The following PCDH11X variants were observed in gnomAD, a reference collection of about 807,000 sequenced individuals.
PCDH11X encodes the protein protocadherin 11 X-linked.
In PCDH11X, 18 loss-of-function variants were observed where a neutral mutation model predicts 53.3. The observed-to-expected ratio is 0.34, with a 90% CI of 0.23 to 0.50. The LOEUF is 0.50. PCDH11X is among the 20% of genes least tolerant of loss of function. The pLI, the probability that PCDH11X is intolerant of heterozygous loss-of-function variation, is 0.98. For missense variants in PCDH11X, 570 were observed against 1,032.4 expected, an observed-to-expected ratio of 0.55 and a Z score of 6.14; for synonymous variants, 279 against 393.3, an observed-to-expected ratio of 0.71 and a Z score of 3.44.
At chrX:92,453,854 A>G (rs1475306302) in intron 9 of PCDH11X, among the ~76,000 whole-genome samples, 2 of 110,915 alleles carry the variant, frequency 1.8e-5, no homozygotes, top group African/African-American at 3.3e-5. Context: ...AATATTTTCA[A>G]TGAAAACTGT....
At chrX:91,819,086 T>C (rs1936546292) in intron 4 of PCDH11X, among the ~76,000 whole-genome samples, 1 of 111,683 alleles carries the variant, frequency 9.0e-6, no homozygotes, top group Non-Finnish European at 1.9e-5. Context: ...AATGCACTTC[T>C]TGATTTATAA....
intron 6 of PCDH11X, among the ~76,000 whole-genome samples, chrX:92,178,306 T>C (rs2065942214): frequency 9.0e-6 from 1 of 111,650 alleles, no homozygotes; most frequent in African/African-American, 3.2e-5. Flanking sequence ...TTCAGTAAAC[T>C]AGGATGGCTG....
chrX:91,820,800 T>C (rs1463789225), intron 4 of PCDH11X, among the ~76,000 whole-genome samples: 1 of 101,925 alleles, frequency 9.8e-6, no homozygotes, highest in Non-Finnish European at 1.9e-5. Flanking sequence ...GTTTTTATGG[T>C]TTTAGGTCTA....
intron 6 of PCDH11X, among the ~76,000 whole-genome samples, chrX:91,963,771 A>G (rs1252619886): frequency 9.0e-6 from 1 of 111,213 alleles, no homozygotes; most frequent in Non-Finnish European, 1.9e-5. Context: ...TAATCAACTC[A>G]CAGTTCAGCA....
At chrX:92,238,926 AAG>A (rs1290260226) in intron 7 of PCDH11X, among the ~76,000 whole-genome samples, 19 of 111,455 alleles carry the variant, frequency 1.7e-4, no homozygotes, top group Non-Finnish European at 3.4e-4. Flanking sequence ...ATTCTAGAAA[AAG>A]AGTCAATTTA....
At chrX:91,906,196 TA>T (rs1941150256) in intron 6 of PCDH11X, among the ~76,000 whole-genome samples, 1 of 112,137 alleles carries the variant, frequency 8.9e-6, no homozygotes, top group South Asian at 3.7e-4. Context: ...TATGTAGAGG[TA>T]ACTTTTAACC....
At chrX:91,817,756 T>C (rs773696761) in intron 4 of PCDH11X, among the ~76,000 whole-genome samples, 2 of 111,222 alleles carry the variant, frequency 1.8e-5, no homozygotes, top group African/African-American at 6.5e-5. Context: ...ATAACTATTG[T>C]ATGGAAAAGA....
intron 6 of PCDH11X, among the ~76,000 whole-genome samples, chrX:92,153,386 C>T (rs1490657811): frequency 1.8e-5 from 2 of 110,418 alleles, no homozygotes; most frequent in African/African-American, 6.6e-5. Flanking sequence ...TAAAACAGAG[C>T]CGCACTGAGT....
chrX:92,464,267 C>T (rs745901930), intron 9 of PCDH11X, among the ~76,000 whole-genome samples: 2 of 111,200 alleles, frequency 1.8e-5, no homozygotes, highest in Admixed American at 1.9e-4. Context: ...TGTGTCCCCA[C>T]CCAAATCTGA....
At position 91,883,707 on chromosome X, in the gene PCDH11X, A is replaced by G. The variant is rs1353755425; in HGVS notation, c.3033+4434A>G. The stretch of plus-strand genomic sequence containing the variant: ...GTAGTCCCAGCTACTCGGGAGGCTG[A>G]GGCAGGAGAATAGCGTGAACCCGGG... On this transcript the variant is annotated intron_variant, in intron 6 of 10. Transcript: ENST00000682573. 5.6e-6 allele frequency: 3 copies of G among 536,231 alleles called. No homozygotes were observed. In the African/African-American group the frequency reaches 7.8e-5, roughly 14 times the overall value. 44.2% of individuals were successfully genotyped at this position (536,231 alleles called of 1,213,427 possible).
At chrX:92,452,498 T>TATA (rs2072816099) in intron 9 of PCDH11X, among the ~76,000 whole-genome samples, 2 of 44,318 alleles carry the variant, frequency 4.5e-5, no homozygotes, top group East Asian at 4.8e-4. Context: ...TATATATATA[T>TATA]GTTTTTTTTT....
intron 6 of PCDH11X, among the ~76,000 whole-genome samples, chrX:92,032,593 A>G (rs1386834966): frequency 9.0e-6 from 1 of 110,912 alleles, no homozygotes; most frequent in Non-Finnish European, 1.9e-5. Context: ...TTTTTTTCCC[A>G]TTCAGTATGA....
intron 10 of PCDH11X, among the ~76,000 whole-genome samples, chrX:92,502,065 T>C (rs931972033): frequency 9.0e-6 from 1 of 110,521 alleles, no homozygotes; most frequent in African/African-American, 3.3e-5. Flanking sequence ...AGCATCCTTA[T>C]ACACCAACAA....
chrX:91,860,912 G>C (rs1449580300), intron 5 of PCDH11X, among the ~76,000 whole-genome samples: 4 of 111,690 alleles, frequency 3.6e-5, no homozygotes, highest in Non-Finnish European at 7.5e-5. Flanking sequence ...AAAGATATTG[G>C]CCTGAAGTTT....
intron 10 of PCDH11X, among the ~76,000 whole-genome samples, chrX:92,572,797 T>C: frequency 1.0e-5 from 1 of 96,797 alleles, no homozygotes; most frequent in Admixed American, 1.1e-4. Flanking sequence ...GGCAAGAGAA[T>C]CCCTTGAATC....
intron 9 of PCDH11X, among the ~76,000 whole-genome samples, chrX:92,452,163 CATTTATCAAAACCAAAT>C (rs2072796965): frequency 9.5e-6 from 1 of 105,552 alleles, no homozygotes; most frequent in African/African-American, 3.4e-5. Flanking sequence ...TGTAGAAATT[CATTTATCAAAACCAAAT>C]ATTTATCAAA....
intron 6 of PCDH11X, among the ~76,000 whole-genome samples, chrX:92,132,607 C>G (rs1166086403): frequency 1.2e-5 from 1 of 80,861 alleles, no homozygotes; most frequent in African/African-American, 4.6e-5. Flanking sequence ...AACTCCGTCT[C>G]AAAAGAAAAA....
chrX:92,536,722 A>G (rs776069253), intron 10 of PCDH11X, among the ~76,000 whole-genome samples: 18 of 97,064 alleles, frequency 1.9e-4, no homozygotes, highest in Non-Finnish European at 3.4e-4. Context: ...CAGTGGTGCA[A>G]TCATGGCTCA....
chrX:92,622,349 C>T lies in PCDH11X; in HGVS notation c.*3409C>T, dbSNP rs1430415156. On this transcript the variant is annotated 3_prime_UTR_variant, in exon 11 of 11. Coordinates refer to ENST00000682573, the MANE Select transcript of PCDH11X (RefSeq NM_032968.5). ...ACACACACAAAAAATCCTTTTCAATCCTGAGAAAATTAAAGGCGTTTTACT... is the reference window on the plus strand; with the variant it reads ...ACACACACAAAAAATCCTTTTCAATTCTGAGAAAATTAAAGGCGTTTTACT... 1 of 110,399 alleles carries T rather than the reference C, an allele frequency of 9.1e-6. No homozygotes were observed. The highest frequency in any genetic ancestry group is 3.3e-5 in the African/African-American group (1 of 30,449). The allele number at this position is 110,399 out of a possible 1,213,427, so 9.1% of individuals were successfully genotyped here.
Sources: gnomAD v4.1 joint callset for allele counts (sites outside exome capture counted in the v4.1 genomes callset) on GRCh38, gnomAD v4.1.1 for gene constraint, MANE v1.5 for transcripts, NCBI Gene and HGNC (gene_info 2026-07-23, HGNC 2026-07-21) for gene names.